MTR: variants seen among roughly 807,000 people sequenced by gnomAD.
MTR encodes 5-methyltetrahydrofolate-homocysteine methyltransferase, also known as methionine synthase.
In MTR, 84 loss-of-function variants were observed where a neutral mutation model predicts 154.8. The observed-to-expected ratio is 0.54, with a 90% CI of 0.45 to 0.65. MTR has a LOEUF of 0.65. Ranked by LOEUF, MTR falls within the 30% of genes least tolerant of loss-of-function variation. The pLI is 0.00. For synonymous variants in MTR, 554 were observed against 553.9 expected (o/e 1.00, Z 0.00); for missense variants, 1,275 against 1,570.2 (o/e 0.81, Z 3.18).
chr1:236,813,493 G>C (rs761583338), intron 6 of MTR, among the ~76,000 whole-genome samples: 5 of 152,102 alleles, frequency 3.3e-5, no homozygotes, highest in African/African-American at 4.8e-5. Flanking sequence ...ACTCCCTTCA[G>C]CAAGCAATGT....
At chr1:236,829,733 G>T (rs550853111) in intron 12 of MTR, among the ~76,000 whole-genome samples, 6 of 152,252 alleles carry the variant, frequency 3.9e-5, no homozygotes, top group African/African-American at 1.4e-4. Context: ...ACTTTACAAA[G>T]ACTTGTGGTA....
At position 236,825,357 on chromosome 1, in the gene MTR, T is replaced by G; in HGVS notation, c.885T>G (p.Gly295=). Reference sequence around the variant, plus strand: ...TCTCAGGTCTTCCCAACACCTTTGGTGACTATGATGAAACGCCTTCTATGA... The same window carrying G: ...TCTCAGGTCTTCCCAACACCTTTGGGGACTATGATGAAACGCCTTCTATGA... The part of the protein sequence containing the change: ...YPNAGLPNTF[G]DYDETPSMMA... The change falls in exon 10 of 33, where the codon GGT becomes GGG. Residue 295 remains glycine (G), a synonymous_variant. Coordinates refer to ENST00000366577, the MANE Select transcript of MTR (RefSeq NM_000254.3). The G allele has an allele frequency of 1.9e-6, 3 of 1,613,758 alleles. No homozygotes were observed. The highest frequency in any genetic ancestry group is 2.5e-6 in the Non-Finnish European group (3 of 1,179,750).
chr1:236,843,640 G>A (rs1663393541), intron 15 of MTR, among the ~76,000 whole-genome samples: 1 of 152,184 alleles, frequency 6.6e-6, no homozygotes, highest in South Asian at 2.1e-4. Context: ...GTGATGGTTA[G>A]GGCCATGGTG....
In MTR at chr1:236,896,170, C is replaced by T. The variant is rs1433906468; in HGVS notation, c.3598+620C>T. 3.3e-5 allele frequency among the ~76,000 whole-genome samples: 5 copies of T among 152,328 alleles called. No homozygotes were observed. In the South Asian group the frequency reaches 8.3e-4, roughly 25 times the overall value. On this transcript the variant is annotated intron_variant, in intron 31 of 32. Transcript: ENST00000366577. Reference sequence around the variant, plus strand: ...CTCAGCGTCCTGTGCCCAGAGCTGACTTGGCTCGTGGTTCTGTGGCTGCAC... The same window carrying T: ...CTCAGCGTCCTGTGCCCAGAGCTGATTTGGCTCGTGGTTCTGTGGCTGCAC...
Position 236,816,447 on chromosome 1 carries a change from A to G in MTR, c.670-2A>G. On this transcript the variant is annotated splice_acceptor_variant, in intron 7 of 32. Transcript: ENST00000366577. LOFTEE classifies it high-confidence loss of function. The stretch of plus-strand genomic sequence containing the variant: ...TTGACTTTGTTTACTTTGTCAATTC[A>G]GATTTCAGGGACGATCGTTGATAAA... 1.2e-6 allele frequency: 2 copies of G among 1,613,794 alleles called. No homozygotes were observed. The highest frequency in any genetic ancestry group is 1.7e-6 in the Non-Finnish European group (2 of 1,179,688).
At position 236,899,716 on chromosome 1, in the gene MTR, CATTT is replaced by C. The variant is rs1666837935; in HGVS notation, c.*2075_*2078del. ...GAAGATGATCCACAACTTGAGAAGA[CATTT>C]ATAATACAAATAACTGATGAAGGAT... is the stretch of plus-strand genomic sequence containing the variant. On this transcript the variant is annotated 3_prime_UTR_variant, in exon 33 of 33. Transcript: ENST00000366577. The C allele has an allele frequency of 6.6e-6, 1 of 152,160 alleles. No individual in the cohort carries two copies. Among genetic ancestry groups the C allele is most frequent in the African/African-American group, 2.4e-5 (1 of 41,428 alleles). The allele number at this position is 152,160 out of a possible 1,614,324, so 9.4% of individuals were successfully genotyped here. A position where few individuals can be genotyped will look rare whatever the true frequency, so the allele number is the denominator to read the frequency against.
chr1:236,887,197 A>G (rs115969881), intron 27 of MTR, among the ~76,000 whole-genome samples: 8 of 152,356 alleles, frequency 5.3e-5, no homozygotes, highest in Non-Finnish European at 1.2e-4. Flanking sequence ...TGTTCTACAC[A>G]TGCTTGGCAG....
chr1:236,805,542 G>GCCACCGTGGCTCACTCTTGC (rs150006555), intron 2 of MTR, among the ~76,000 whole-genome samples: 12,077 of 152,082 alleles, frequency 0.079, 1,040 homozygotes, highest in African/African-American at 0.21. Context: ...GTGCAGTGGT[G>GCCACCGTGGCTCACTCTTGC]CCACCGTGGC....
At chr1:236,828,796 A>G (rs1055649180) in intron 11 of MTR, among the ~76,000 whole-genome samples, 2 of 151,802 alleles carry the variant, frequency 1.3e-5, no homozygotes, top group Admixed American at 6.6e-5. Context: ...TTTCTGTTCA[A>G]ATTTTGAGTA....
Position 236,852,998 on chromosome 1 carries a change from T to C in MTR, c.1863T>C (p.Asp621=). 3.1e-6 allele frequency: 5 copies of C among 1,614,038 alleles called. No homozygotes were observed. Among genetic ancestry groups the C allele is most frequent in the Non-Finnish European group, 4.2e-6 (5 of 1,179,914 alleles). Residue 621 remains aspartate, a synonymous_variant, in exon 18 of 33, where the codon GAT becomes GAC. Coordinates refer to ENST00000366577, the MANE Select transcript of MTR (RefSeq NM_000254.3). ...ATGCTGGAAACCTCCCTGTGTATGA[T>C]GATATCCATAAGGAACTTCTGCAGC... ...IVNAGNLPVY[D]DIHKELLQLC...
intron 11 of MTR, among the ~76,000 whole-genome samples, 163 bp from the exon 12 acceptor site, chr1:236,829,025 TA>T (rs1415993351): frequency 6.6e-6 from 1 of 152,124 alleles, no homozygotes; most frequent in Non-Finnish European, 1.5e-5. Flanking sequence ...TTGAGAAAAC[TA>T]AAAGGCATGA....
At chr1:236,867,463 T>C (rs547453501) in intron 22 of MTR, among the ~76,000 whole-genome samples, 16 of 152,294 alleles carry the variant, frequency 1.1e-4, no homozygotes, top group African/African-American at 3.4e-4. Context: ...GATAGAGATA[T>C]ACAAGGAGAT....
In MTR at chr1:236,859,914, C is replaced by G. The variant is rs1435045766; in HGVS notation, c.2035C>G (p.Leu679Val). 1 of 1,613,584 alleles carries G rather than the reference C, an allele frequency of 6.2e-7. No individual in the cohort carries two copies. Among genetic ancestry groups the G allele is most frequent in the African/African-American group, 1.3e-5 (1 of 74,882 alleles). ...TGTCGAAGAACGCCTTGAGTATGCC[C>G]TTGTGAAGGTAAGTTACAGGGGCCT... Reference protein sequence around the residue: ...GPVEERLEYALVKGIEKHIIE... With the variant: ...GPVEERLEYAVVKGIEKHIIE... Residue 679 changes from leucine (L) to valine (V), a missense_variant, in exon 19 of 33, where the codon CTT (leucine) becomes GTT (valine). Leu to Val is a conservative substitution (Grantham distance 32). Transcript: ENST00000366577.
intron 27 of MTR, among the ~76,000 whole-genome samples, chr1:236,887,397 A>G (rs1172123138): frequency 6.6e-6 from 1 of 152,206 alleles, no homozygotes; most frequent in Non-Finnish European, 1.5e-5. Context: ...GACAGTTTTT[A>G]CCACGTAAAA....
At chr1:236,822,782 A>G (rs959544218) in intron 8 of MTR, among the ~76,000 whole-genome samples, 5 of 152,212 alleles carry the variant, frequency 3.3e-5, no homozygotes, top group African/African-American at 7.2e-5. Context: ...TTGTGAAGAA[A>G]GACAGTTTTA....
chr1:236,809,303 G>A (rs1421201568), intron 4 of MTR, among the ~76,000 whole-genome samples: 1 of 152,216 alleles, frequency 6.6e-6, no homozygotes, highest in East Asian at 1.9e-4. Flanking sequence ...ATTCAGTCTT[G>A]CTTGGACTTG....
At position 236,863,451 on chromosome 1, in the gene MTR, C is replaced by T. The variant is rs1338956534; in HGVS notation, c.2305-3C>T. ...TTGCTGAGCTGCTTGGCTTCCTTTCCAGGACCCTTACCAGGGCACCATCGT... is the reference window on the plus strand; with the variant it reads ...TTGCTGAGCTGCTTGGCTTCCTTTCTAGGACCCTTACCAGGGCACCATCGT... On this transcript the variant is annotated splice_polypyrimidine_tract_variant and splice_region_variant and intron_variant, in intron 21 of 32. Coordinates refer to ENST00000366577, the MANE Select transcript of MTR (RefSeq NM_000254.3). The T allele has an allele frequency of 5.0e-6, 8 of 1,613,800 alleles. No individual in the cohort carries two copies. The highest frequency in any genetic ancestry group is 6.8e-6 in the Non-Finnish European group (8 of 1,179,788).
At chr1:236,834,035 G>A (rs1475657298) in intron 13 of MTR, among the ~76,000 whole-genome samples, 1 of 152,096 alleles carries the variant, frequency 6.6e-6, no homozygotes, top group Non-Finnish European at 1.5e-5. Context: ...GTGCCCAGTA[G>A]TTTTTTACAT....
chr1:236,810,354 GT>G, intron 4 of MTR, 148 bp from the exon 5 acceptor site: 2 of 690,952 alleles, frequency 2.9e-6, no homozygotes, highest in South Asian at 3.2e-5. Context: ...TGAGAAAAAA[GT>G]TTGGGCTTTT....
Sources: gnomAD v4.1 joint callset for allele counts (sites outside exome capture counted in the v4.1 genomes callset) on GRCh38, gnomAD v4.1.1 for gene constraint, MANE v1.5 for transcripts, NCBI Gene and HGNC (gene_info 2026-07-23, HGNC 2026-07-21) for gene names.